Variants in CRAMP1 observed in about 807,000 individuals in gnomAD.
CRAMP1 encodes the protein protein cramped-like.
A neutral mutation model predicts 115.4 loss-of-function variants in CRAMP1; 50 were observed. The observed-to-expected ratio is 0.43, with a 90% CI of 0.35 to 0.55. The LOEUF is 0.55. Among genes scored for constraint, CRAMP1 ranks in the 20% least tolerant of loss-of-function variants. The pLI, the probability that CRAMP1 is intolerant of heterozygous loss-of-function variation, is 0.01. For synonymous variants in CRAMP1, 866 were observed against 745.4 expected (o/e 1.16, Z -2.64); for missense variants, 1,679 against 1,721.7 (o/e 0.98, Z 0.44).
At chr16:1,636,121 A>T (rs2036586718) in intron 4 of CRAMP1, among the ~76,000 whole-genome samples, 1 of 152,182 alleles carries the variant, frequency 6.6e-6, no homozygotes, top group Admixed American at 6.5e-5. Context: ...CTGTAATCCC[A>T]ACATTTTGGG....
chr16:1,645,897 T>C (rs577557593), intron 6 of CRAMP1, among the ~76,000 whole-genome samples: 2 of 151,210 alleles, frequency 1.3e-5, no homozygotes, highest in East Asian at 1.9e-4. Context: ...TGTCAAGATA[T>C]GGAACGCTGC....
Position 1,623,973 on chromosome 16 carries a change from G to A in CRAMP1, c.347-2000G>A, listed in dbSNP as rs558867030. The stretch of plus-strand genomic sequence containing the variant: ...ATGGAGCAGCCGGAAAGCGGCCTGG[G>A]TGGGACACACTTGGAACTCATTGTT... On this transcript the variant is annotated intron_variant, in intron 2 of 20. Transcript: ENST00000397412. Among the ~76,000 whole-genome samples, 40 of 152,310 alleles carry A rather than the reference G, an allele frequency of 2.6e-4. 1 individual carries two copies. The South Asian group carries it at 4.1e-3, about 16-fold the overall frequency.
intron 5 of CRAMP1, among the ~76,000 whole-genome samples, chr16:1,640,089 A>G (rs557829383): frequency 3.5e-4 from 54 of 152,190 alleles, no homozygotes; most frequent in Non-Finnish European, 6.8e-4. Flanking sequence ...TGGCGACAAG[A>G]GCCCTTTCCG....
chr16:1,659,363 G>A (rs1405637812), intron 10 of CRAMP1, among the ~76,000 whole-genome samples: 1 of 151,912 alleles, frequency 6.6e-6, no homozygotes, highest in African/African-American at 2.4e-5. Flanking sequence ...CCTGACCAGT[G>A]ACTTTTATTG....
At chr16:1,663,578 A>G (rs2036850397) in intron 13 of CRAMP1, among the ~76,000 whole-genome samples, 1 of 152,210 alleles carries the variant, frequency 6.6e-6, no homozygotes, top group Non-Finnish European at 1.5e-5. Flanking sequence ...AATTTAAAAC[A>G]ACTTTATAGA....
At chr16:1,665,192 C>A in intron 14 of CRAMP1, 54 bp downstream of exon 14, 2 of 1,173,778 alleles carry the variant, frequency 1.7e-6, no homozygotes, top group Non-Finnish European at 2.6e-6. Flanking sequence ...CACAGGAGGG[C>A]CTTGGCTTTG....
rs1350015646 is a variant in CRAMP1 at position 1,614,823 on chromosome 16, C to G, written c.184C>G (p.Pro62Ala). The change falls in exon 2 of 21, where the codon CCC (proline) becomes GCC (alanine). Residue 62 changes from proline to alanine, a missense_variant. Transcript: ENST00000397412. The surrounding 1 kb of genome is among the most constrained non-coding windows in gnomAD (Gnocchi z 4.4). ...PRAGADGPPA[P>A]PGAPQAPSPP... ...GGCCGGCGCCGACGGCCCCCCCGCG[C>G]CCCCCGGCGCGCCGCAGGCGCCGTC... 6 of 1,265,928 alleles carry G rather than the reference C, an allele frequency of 4.7e-6. No individual in the cohort carries two copies. The highest frequency in any genetic ancestry group is 5.9e-6 in the Non-Finnish European group (6 of 1,009,344). The allele number at this position is 1,265,928 out of a possible 1,614,324, so 78.4% of individuals were successfully genotyped here.
intron 4 of CRAMP1, among the ~76,000 whole-genome samples, chr16:1,636,563 C>A (rs1264627727): frequency 1.3e-5 from 2 of 152,172 alleles, no homozygotes; most frequent in Admixed American, 6.5e-5. Flanking sequence ...GAGAACAGGT[C>A]TCTGAGGAGA....
chr16:1,657,922 G>A (rs2036789932), intron 10 of CRAMP1, among the ~76,000 whole-genome samples: 1 of 152,310 alleles, frequency 6.6e-6, no homozygotes, highest in East Asian at 1.9e-4. Flanking sequence ...ACCCCTTAGC[G>A]CTGTTTCATG....
At chr16:1,645,898 G>A (rs184541348) in intron 6 of CRAMP1, among the ~76,000 whole-genome samples, 1 of 151,790 alleles carries the variant, frequency 6.6e-6, no homozygotes, top group Non-Finnish European at 1.5e-5. Context: ...GTCAAGATAT[G>A]GAACGCTGCC....
Position 1,612,603 on chromosome 16 carries a change from G to A in CRAMP1, c.-56G>A, listed in dbSNP as rs925800333. Among the ~76,000 whole-genome samples the A allele has an allele frequency of 1.3e-5, 2 of 151,882 alleles. No individual in the cohort carries two copies. Among genetic ancestry groups the A allele is most frequent in the South Asian group, 4.1e-4 (2 of 4,832 alleles). On this transcript the variant is annotated 5_prime_UTR_variant, in exon 1 of 21. Coordinates refer to ENST00000397412, the MANE Select transcript of CRAMP1 (RefSeq NM_020825.4). ...GGCTGCCCGGCCCGGCTGGTTCTGCGGGCACCCGGGGAGGCCCCGGGAAGC... is the reference window on the plus strand; with the variant it reads ...GGCTGCCCGGCCCGGCTGGTTCTGCAGGCACCCGGGGAGGCCCCGGGAAGC...
chr16:1,641,131 A>G lies in CRAMP1; in HGVS notation c.779-8A>G. 1.2e-6 allele frequency: 2 copies of G among 1,604,564 alleles called. No individual in the cohort carries two copies. Among genetic ancestry groups the G allele is most frequent in the Non-Finnish European group, 8.5e-7 (1 of 1,171,924 alleles). On this transcript the variant is annotated splice_region_variant and splice_polypyrimidine_tract_variant and intron_variant, in intron 5 of 20. Transcript: ENST00000397412. ...GTGGTCTCATTTATTTATTTTTTCCATTTAAAGGTATGGATGACAAGAATG... is the reference window on the plus strand; with the variant it reads ...GTGGTCTCATTTATTTATTTTTTCCGTTTAAAGGTATGGATGACAAGAATG...
chr16:1,654,503 T>G (rs1046311652), intron 8 of CRAMP1, among the ~76,000 whole-genome samples: 1 of 152,234 alleles, frequency 6.6e-6, no homozygotes, highest in Non-Finnish European at 1.5e-5. Flanking sequence ...TGTGCCGCCG[T>G]GCCCGGTGAA....
intron 7 of CRAMP1, 118 bp from the exon 8 acceptor site, chr16:1,652,915 C>A (rs974748409): frequency 1.6e-6 from 2 of 1,244,706 alleles, no homozygotes; most frequent in Non-Finnish European, 1.1e-6. Flanking sequence ...GCTCTCCTTG[C>A]CTCTGTTTGC....
chr16:1,639,741 T>C (rs1284216201), intron 5 of CRAMP1, among the ~76,000 whole-genome samples: 1 of 152,134 alleles, frequency 6.6e-6, no homozygotes, highest in Non-Finnish European at 1.5e-5. Context: ...CAATTTCCCA[T>C]CTGCCATGAA....
chr16:1,657,005 G>C lies in CRAMP1; in HGVS notation c.2235+13G>C. On this transcript the variant is annotated intron_variant, in intron 10 of 20. Transcript: ENST00000397412. The stretch of plus-strand genomic sequence containing the variant: ...CAACCCCAAGCTGGTGAGTGGGTTG[G>C]AGCCCAGCCCCTCTGGCGGCCCAAG... 6.7e-7 allele frequency: 1 copy of C among 1,499,096 alleles called. No homozygotes were observed. The highest frequency in any genetic ancestry group is 8.9e-7 in the Non-Finnish European group (1 of 1,124,330). 92.9% of individuals were successfully genotyped at this position (1,499,096 alleles called of 1,614,324 possible).
At chr16:1,624,706 G>A (rs929529757) in intron 2 of CRAMP1, among the ~76,000 whole-genome samples, 1 of 152,024 alleles carries the variant, frequency 6.6e-6, no homozygotes, top group Admixed American at 6.6e-5. Context: ...AGCCCCTCCC[G>A]AGTAGCTGGG....
chr16:1,637,959 C>T (rs972742675), intron 5 of CRAMP1, 52 bp downstream of exon 5: 80 of 934,364 alleles, frequency 8.6e-5, no homozygotes, highest in Admixed American at 3.6e-5. Flanking sequence ...CCTTTGTCAC[C>T]TTTGGGCTTT....
intron 6 of CRAMP1, chr16:1,647,060 G>A (rs556026439): frequency 1.3e-4 from 89 of 702,996 alleles, no homozygotes; most frequent in South Asian, 5.9e-4. Flanking sequence ...GTCAAGGTGA[G>A]AGATTGGGAA....
Sources: gnomAD v4.1 joint callset for allele counts (sites outside exome capture counted in the v4.1 genomes callset) on GRCh38, gnomAD v4.1.1 for gene constraint, Gnocchi (gnomAD v3.1) non-coding constraint, MANE v1.5 for transcripts, NCBI Gene and HGNC (gene_info 2026-07-23, HGNC 2026-07-21) for gene names.